Variants in TPMT observed in about 807,000 individuals in gnomAD.
The protein encoded by TPMT is thiopurine S-methyltransferase.
In TPMT, 18 loss-of-function variants were observed where a neutral mutation model predicts 34.2. The ratio of observed to expected loss-of-function variants is 0.53; its 90% CI spans 0.36 to 0.78. TPMT has a LOEUF of 0.78. TPMT is among the 30% of genes least tolerant of loss of function. The pLI is 0.00. For synonymous variants in TPMT, 69 were observed against 92.4 expected (o/e 0.75, Z 1.45); for missense variants, 265 against 288.1 (o/e 0.92, Z 0.58).
chr6:18,154,772 C>A lies in TPMT; in HGVS notation c.-45+261G>T, dbSNP rs964865329. Among the ~76,000 whole-genome samples the A allele has an allele frequency of 6.6e-6, 1 of 151,816 alleles. No individual in the cohort carries two copies. Among genetic ancestry groups the A allele is most frequent in the African/African-American group, 2.4e-5 (1 of 41,308 alleles). ...TGGGCGACAGAGGGAGACCCTGTCT[C>A]TAAAAGAAAAAAGAAAAAAAAATAA... On this transcript the variant is annotated intron_variant, in intron 1 of 8. Transcript: ENST00000309983. The surrounding 1 kb of genome is among the most constrained non-coding windows in gnomAD (Gnocchi z 4.2).
In TPMT at chr6:18,149,174, A is replaced by C; in HGVS notation, c.-44-3T>G. On this transcript the variant is annotated splice_region_variant and splice_polypyrimidine_tract_variant and intron_variant, in intron 1 of 8. Coordinates refer to ENST00000309983, the MANE Select transcript of TPMT (RefSeq NM_000367.5). This position sits in a 1 kb window ranked among gnomAD's most constrained non-coding sequence, Gnocchi z 5.0. ...TCACAAGCATATGTCTTCCGTGCCTACGTGGAAAATATTTGCAATGTTGTC... is the reference window on the plus strand; with the variant it reads ...TCACAAGCATATGTCTTCCGTGCCTCCGTGGAAAATATTTGCAATGTTGTC... The C allele has an allele frequency of 6.2e-7, 1 of 1,613,022 alleles. No individual in the cohort carries two copies. Among genetic ancestry groups the C allele is most frequent in the African/African-American group, 1.3e-5 (1 of 75,064 alleles).
rs1361138010 is a variant in TPMT at position 18,153,230 on chromosome 6, G to A, written c.-45+1803C>T. 1.3e-5 allele frequency among the ~76,000 whole-genome samples: 2 copies of A among 152,170 alleles called. No homozygotes were observed. Among genetic ancestry groups the A allele is most frequent in the Non-Finnish European group, 1.5e-5 (1 of 68,036 alleles). On this transcript the variant is annotated intron_variant, in intron 1 of 8. Coordinates refer to ENST00000309983, the MANE Select transcript of TPMT (RefSeq NM_000367.5). The surrounding 1 kb of genome is among the most constrained non-coding windows in gnomAD (Gnocchi z 4.2). ...AGCCAGTCAGAATGGCTGCTCTACA[G>A]TCTGAAACCATTCATGAGAAAGAGT...
At chr6:18,134,397 CT>C (rs1352278900) in intron 6 of TPMT, among the ~76,000 whole-genome samples, 1 of 152,108 alleles carries the variant, frequency 6.6e-6, no homozygotes, top group Non-Finnish European at 1.5e-5. Context: ...CTCCAGGGGC[CT>C]TATGTAAGAG....
rs895729183 is a variant in TPMT at position 18,150,339 on chromosome 6, G to A, written c.-44-1168C>T. Among the ~76,000 whole-genome samples the A allele has an allele frequency of 1.3e-5, 2 of 152,164 alleles. No homozygotes were observed. Among genetic ancestry groups the A allele is most frequent in the Admixed American group, 1.3e-4 (2 of 15,270 alleles). On this transcript the variant is annotated intron_variant, in intron 1 of 8. Coordinates refer to ENST00000309983, the MANE Select transcript of TPMT (RefSeq NM_000367.5). The surrounding 1 kb of genome is among the most constrained non-coding windows in gnomAD (Gnocchi z 5.3). Reference sequence around the variant, plus strand: ...TGGGTTTTTATGTAGGCTTCATCACGTAGGCATTATTGTACTTACTCCTAA... The same window carrying A: ...TGGGTTTTTATGTAGGCTTCATCACATAGGCATTATTGTACTTACTCCTAA...
At position 18,138,954 on chromosome 6, in the gene TPMT, A is replaced by G; in HGVS notation, c.494+9T>C. On this transcript the variant is annotated intron_variant, in intron 6 of 8. Transcript: ENST00000309983. The surrounding 1 kb of genome is among the most constrained non-coding windows in gnomAD (Gnocchi z 4.1). ...AAGACAGCTAAACAAAAAAAGAAAA[A>G]TTACTTACCATTTGCGATCACCTGG... 1 of 1,611,340 alleles carries G rather than the reference A, an allele frequency of 6.2e-7. No individual in the cohort carries two copies. Among genetic ancestry groups the G allele is most frequent in the Non-Finnish European group, 8.5e-7 (1 of 1,178,404 alleles).
rs1784106687 is a variant in TPMT, at chr6:18,139,662, T to C, written c.419+3A>G. 6.2e-7 allele frequency: 1 copy of C among 1,612,858 alleles called. No individual in the cohort carries two copies. Among genetic ancestry groups the C allele is most frequent in the Admixed American group, 1.7e-5 (1 of 59,986 alleles). On this transcript the variant is annotated splice_donor_region_variant and intron_variant, in intron 5 of 8. Coordinates refer to ENST00000309983, the MANE Select transcript of TPMT (RefSeq NM_000367.5). The surrounding 1 kb of genome is among the most constrained non-coding windows in gnomAD (Gnocchi z 4.2). Reference sequence around the variant, plus strand: ...TAAAGTGCAGATGTAGTATTCAACCTACCTGGGAAGATCAAAAATACTGCA... The same window carrying C: ...TAAAGTGCAGATGTAGTATTCAACCCACCTGGGAAGATCAAAAATACTGCA...
At chr6:18,142,607 T>C (rs1002022591) in intron 4 of TPMT, among the ~76,000 whole-genome samples, 1 of 151,956 alleles carries the variant, frequency 6.6e-6, no homozygotes, top group African/African-American at 2.4e-5. Context: ...TGGGTAGTGT[T>C]TGTTTATTTA....
Position 18,146,819 on chromosome 6 carries a change from T to C in TPMT, c.233+1004A>G, listed in dbSNP as rs548835668. Among the ~76,000 whole-genome samples, 25 of 152,214 alleles carry C rather than the reference T, an allele frequency of 1.6e-4. No individual in the cohort carries two copies. Among genetic ancestry groups the C allele is most frequent in the Non-Finnish European group, 2.9e-4 (20 of 68,048 alleles). On this transcript the variant is annotated intron_variant, in intron 3 of 8. Transcript: ENST00000309983. The surrounding 1 kb of genome is among the most constrained non-coding windows in gnomAD (Gnocchi z 6.2). Reference sequence around the variant, plus strand: ...AAGGCTCTCAGCTACAGTTGATTGGTTGCTGGCTGCAAAAATTCTATCATC... The same window carrying C: ...AAGGCTCTCAGCTACAGTTGATTGGCTGCTGGCTGCAAAAATTCTATCATC...
rs113063515 is a variant in TPMT at position 18,130,866 on chromosome 6, C to T, written c.626-86G>A. The T allele has an allele frequency of 8.6e-5, 94 of 1,089,772 alleles. No individual in the cohort carries two copies. The highest frequency in any genetic ancestry group is 5.5e-4 in the Middle Eastern group (2 of 3,654). 67.5% of individuals were successfully genotyped at this position (1,089,772 alleles called of 1,614,324 possible). A position where few individuals can be genotyped will look rare whatever the true frequency, so the allele number is the denominator to read the frequency against. On this transcript the variant is annotated intron_variant, in intron 8 of 8. Transcript: ENST00000309983. The surrounding 1 kb of genome is among the most constrained non-coding windows in gnomAD (Gnocchi z 4.2). ...AAAAATACTCAAAATTGGCTGGGTG[C>T]GGTGGCTCACACCTGTAATCCCAAC...
Position 18,130,608 on chromosome 6 carries a change from A to G in TPMT, c.*60T>C, listed in dbSNP as rs886061264. The G allele has an allele frequency of 9.0e-7, 1 of 1,111,424 alleles. No homozygotes were observed. The highest frequency in any genetic ancestry group is 1.4e-6 in the Non-Finnish European group (1 of 728,292). 68.8% of individuals were successfully genotyped at this position (1,111,424 alleles called of 1,614,324 possible). On this transcript the variant is annotated 3_prime_UTR_variant, in exon 9 of 9. Coordinates refer to ENST00000309983, the MANE Select transcript of TPMT (RefSeq NM_000367.5). This position sits in a 1 kb window ranked among gnomAD's most constrained non-coding sequence, Gnocchi z 4.2. ...TTCATCCATTACATTTTCAGGCTTT[A>G]GCATAATTTTCAATTCCTCAAAAAC... is the stretch of plus-strand genomic sequence containing the variant.
At chr6:18,134,010 C>T (rs1021525200) in intron 6 of TPMT, 121 bp from the exon 7 acceptor site, 12 of 749,848 alleles carry the variant, frequency 1.6e-5, no homozygotes, top group Non-Finnish European at 2.8e-5. Flanking sequence ...TTAAATTCTC[C>T]TAATAATCAC....
intron 3 of TPMT, among the ~76,000 whole-genome samples, chr6:18,144,554 T>C (rs545317386): frequency 1.3e-5 from 2 of 152,036 alleles, no homozygotes; most frequent in South Asian, 4.2e-4. Flanking sequence ...AATTTTTGTA[T>C]TTTTAGTAGA....
At chr6:18,134,368 T>A (rs1003717089) in intron 6 of TPMT, among the ~76,000 whole-genome samples, 31 of 152,224 alleles carry the variant, frequency 2.0e-4, no homozygotes, top group Non-Finnish European at 1.3e-4. Context: ...TTAACAAATA[T>A]CCTGGGTGAC....
chr6:18,132,250 T>C lies in TPMT; in HGVS notation c.581-73A>G. The C allele has an allele frequency of 7.1e-7, 1 of 1,399,302 alleles. No homozygotes were observed. The highest frequency in any genetic ancestry group is 1.4e-5 in the African/African-American group (1 of 70,684). 86.7% of individuals were successfully genotyped at this position (1,399,302 alleles called of 1,614,324 possible). ...TGTACTTGTTCTACATACAACTTCA[T>C]TATCCAAATAGGTGATGATGTGGCA... On this transcript the variant is annotated intron_variant, in intron 7 of 8. Transcript: ENST00000309983. This position sits in a 1 kb window ranked among gnomAD's most constrained non-coding sequence, Gnocchi z 4.8.
Position 18,128,710 on chromosome 6 carries a change from T to G in TPMT, c.*1958A>C, listed in dbSNP as rs1783873967. Reference sequence around the variant, plus strand: ...CCTTTCAGCAGTCAACTTGCCTTTCTTTTTTTTCTTTTCTTTTTCTTTCTT... The same window carrying G: ...CCTTTCAGCAGTCAACTTGCCTTTCGTTTTTTTCTTTTCTTTTTCTTTCTT... On this transcript the variant is annotated 3_prime_UTR_variant, in exon 9 of 9. Coordinates refer to ENST00000309983, the MANE Select transcript of TPMT (RefSeq NM_000367.5). This position sits in a 1 kb window ranked among gnomAD's most constrained non-coding sequence, Gnocchi z 4.6. The G allele has an allele frequency of 6.6e-6, 1 of 152,482 alleles. No homozygotes were observed. The highest frequency in any genetic ancestry group is 1.5e-5 in the Non-Finnish European group (1 of 68,352). The allele number at this position is 152,482 out of a possible 1,614,324, so 9.4% of individuals were successfully genotyped here.
At position 18,132,024 on chromosome 6, in the gene TPMT, A is replaced by C. The variant is rs1192265572; in HGVS notation, c.625+109T>G. ...ACTCCTGGCCTCAGGTGATCTGCCC[A>C]CCTTGGCCTCCCAAAGTGCTGGAAA... is the stretch of plus-strand genomic sequence containing the variant. On this transcript the variant is annotated intron_variant, in intron 8 of 8. Coordinates refer to ENST00000309983, the MANE Select transcript of TPMT (RefSeq NM_000367.5). This position sits in a 1 kb window ranked among gnomAD's most constrained non-coding sequence, Gnocchi z 4.8. 200 of 1,177,504 alleles carry C rather than the reference A, an allele frequency of 1.7e-4. No homozygotes were observed. In the Admixed American group the frequency reaches 3.3e-3, roughly 20 times the overall value. 72.9% of individuals were successfully genotyped at this position (1,177,504 alleles called of 1,614,324 possible).
chr6:18,138,873 T>A lies in TPMT; in HGVS notation c.494+90A>T, dbSNP rs908934704. The A allele has an allele frequency of 1.9e-6, 2 of 1,066,816 alleles. No individual in the cohort carries two copies. The highest frequency in any genetic ancestry group is 3.2e-5 in the African/African-American group (2 of 62,596). The allele number at this position is 1,066,816 out of a possible 1,614,324, so 66.1% of individuals were successfully genotyped here. A position where few individuals can be genotyped will look rare whatever the true frequency, so the allele number is the denominator to read the frequency against. On this transcript the variant is annotated intron_variant, in intron 6 of 8. Coordinates refer to ENST00000309983, the MANE Select transcript of TPMT (RefSeq NM_000367.5). The surrounding 1 kb of genome is among the most constrained non-coding windows in gnomAD (Gnocchi z 4.1). Reference sequence around the variant, plus strand: ...AACATAATAACCTATTTCAAACTCATAGAAGTCTAAGCTGATTTTCTAGAA... The same window carrying A: ...AACATAATAACCTATTTCAAACTCAAAGAAGTCTAAGCTGATTTTCTAGAA...
intron 6 of TPMT, among the ~76,000 whole-genome samples, chr6:18,137,867 C>T (rs976212776): frequency 6.6e-6 from 1 of 152,194 alleles, no homozygotes; most frequent in African/African-American, 2.4e-5. Flanking sequence ...CTCACTGCAA[C>T]CTCTGCCTCC....
Position 18,136,078 on chromosome 6 carries a change from G to T in TPMT, c.495-2189C>A, listed in dbSNP as rs1167682231. Among the ~76,000 whole-genome samples, 2 of 152,114 alleles carry T rather than the reference G, an allele frequency of 1.3e-5. No homozygotes were observed. The highest frequency in any genetic ancestry group is 2.9e-5 in the Non-Finnish European group (2 of 68,032). On this transcript the variant is annotated intron_variant, in intron 6 of 8. Transcript: ENST00000309983. The surrounding 1 kb of genome is among the most constrained non-coding windows in gnomAD (Gnocchi z 4.7). ...TCCCAAAGTGCTGGGTCCGCTCTTG[G>T]TCTGCACGTGGTGACTTTTAGTTTG... is the stretch of plus-strand genomic sequence containing the variant.
Sources: gnomAD v4.1 joint callset for allele counts (sites outside exome capture counted in the v4.1 genomes callset) on GRCh38, gnomAD v4.1.1 for gene constraint, Gnocchi (gnomAD v3.1) non-coding constraint, MANE v1.5 for transcripts, NCBI Gene and HGNC (gene_info 2026-07-23, HGNC 2026-07-21) for gene names.